RAB20: variants seen among roughly 807,000 people sequenced by gnomAD.
RAB20 encodes the protein RAB20, member RAS oncogene family, also known as ras-related protein Rab-20.
Under a neutral mutation model 3.7 loss-of-function variants are expected in RAB20, and 2 were observed. That is an observed-to-expected ratio of 0.54 (90% CI 0.22 to 1.69). The LOEUF (loss-of-function observed/expected upper bound fraction) is 1.69. Ranked by LOEUF, RAB20 falls within the 40% of genes most tolerant of loss-of-function variation. The probability of loss-of-function intolerance (pLI) is 0.19; values close to 1 mark genes in which losing one functional copy is unlikely to be tolerated. For synonymous variants in RAB20, 126 were observed against 130.8 expected (o/e 0.96, Z 0.25); for missense variants, 276 against 311.9 (o/e 0.88, Z 0.87).
At chr13:110,525,870 A>G (rs1488332125) in intron 1 of RAB20, among the ~76,000 whole-genome samples, 1 of 152,224 alleles carries the variant, frequency 6.6e-6, no homozygotes, top group East Asian at 1.9e-4. Context: ...CAGGCTGTGC[A>G]TGGCATGGGC....
At chr13:110,536,397 G>A (rs1021553611) in intron 1 of RAB20, among the ~76,000 whole-genome samples, 2 of 152,176 alleles carry the variant, frequency 1.3e-5, no homozygotes, top group Non-Finnish European at 2.9e-5. Flanking sequence ...GACAGGCACC[G>A]AAAGTCAGGA....
At position 110,531,119 on chromosome 13, in the gene RAB20, G is replaced by A. The variant is rs553701445; in HGVS notation, c.173-6922C>T. Among the ~76,000 whole-genome samples the A allele has an allele frequency of 7.2e-5, 11 of 152,302 alleles. No homozygotes were observed. The East Asian group carries it at 2.1e-3, about 29-fold the overall frequency. On this transcript the variant is annotated intron_variant, in intron 1 of 1. Coordinates refer to ENST00000267328, the MANE Select transcript of RAB20 (RefSeq NM_017817.3). ...GCTCGTGCAGGCTTCCCTTTCCCAT[G>A]TTTTACAGGAGGAGGAACTGAGGCA... is the stretch of plus-strand genomic sequence containing the variant.
chr13:110,531,932 T>C (rs1001140763), intron 1 of RAB20, among the ~76,000 whole-genome samples: 21 of 152,312 alleles, frequency 1.4e-4, no homozygotes, highest in African/African-American at 4.6e-4. Context: ...TGATTCACTG[T>C]TGCGGAACCA....
chr13:110,529,238 G>A (rs1340268460), intron 1 of RAB20, among the ~76,000 whole-genome samples: 2 of 152,220 alleles, frequency 1.3e-5, no homozygotes, highest in Non-Finnish European at 2.9e-5. Flanking sequence ...GGACCCTCAC[G>A]CGTTTTCTGG....
intron 1 of RAB20, among the ~76,000 whole-genome samples, chr13:110,542,387 C>T (rs1348420614): frequency 6.6e-6 from 1 of 152,188 alleles, no homozygotes; most frequent in Admixed American, 6.5e-5. Context: ...TGGTTAACTA[C>T]AGTCACCTGC....
At position 110,557,725 on chromosome 13, in the gene RAB20, C is replaced by T. The variant is rs9588191; in HGVS notation, c.172+3623G>A. Among the ~76,000 whole-genome samples, 342 of 152,360 alleles carry T rather than the reference C, an allele frequency of 2.2e-3. 2 individuals are homozygous for T. Among genetic ancestry groups the T allele is most frequent in the African/African-American group, 7.0e-3 (293 of 41,590 alleles). ...GGAAGTGGCGCAAGTCTGGGCTCCC[C>T]GCCGCCTTCCAAGCTGGCTCTTCAA... On this transcript the variant is annotated intron_variant, in intron 1 of 1. Coordinates refer to ENST00000267328, the MANE Select transcript of RAB20 (RefSeq NM_017817.3).
At chr13:110,554,753 C>G (rs531502908) in intron 1 of RAB20, among the ~76,000 whole-genome samples, 2 of 152,348 alleles carry the variant, frequency 1.3e-5, no homozygotes, top group South Asian at 2.1e-4. Flanking sequence ...GAAGCAGCAT[C>G]TTCATTTGCT....
chr13:110,552,589 A>T (rs1477634087), intron 1 of RAB20, among the ~76,000 whole-genome samples: 2 of 151,066 alleles, frequency 1.3e-5, no homozygotes, highest in Admixed American at 1.3e-4. Context: ...GCTACTCAGG[A>T]GGCTGAGGCA....
chr13:110,552,147 G>A (rs889487635), intron 1 of RAB20, among the ~76,000 whole-genome samples: 3 of 152,040 alleles, frequency 2.0e-5, no homozygotes, highest in Non-Finnish European at 4.4e-5. Flanking sequence ...GGGAGGCCAC[G>A]GTGGGTGGAT....
At chr13:110,541,612 A>G (rs9521826) in intron 1 of RAB20, among the ~76,000 whole-genome samples, 35,827 of 152,142 alleles carry the variant, frequency 0.24, 4,564 homozygotes, top group East Asian at 0.36. Flanking sequence ...AAAGCAGCCA[A>G]GTTAGCAGGG....
rs969026453 is a variant in RAB20 at position 110,541,002 on chromosome 13, C to T, written c.173-16805G>A. On this transcript the variant is annotated intron_variant, in intron 1 of 1. Transcript: ENST00000267328. ...TGGCTGTTGGGTTAAAGTACAGAAT[C>T]TGGCTCAGGAGGCCTGGCTGGGTCC... 3.9e-5 allele frequency among the ~76,000 whole-genome samples: 6 copies of T among 152,204 alleles called. No individual in the cohort carries two copies. In the East Asian group the frequency reaches 1.2e-3, roughly 29 times the overall value.
intron 1 of RAB20, among the ~76,000 whole-genome samples, chr13:110,551,214 C>G (rs1037520979): frequency 6.6e-6 from 1 of 152,138 alleles, no homozygotes; most frequent in African/African-American, 2.4e-5. Flanking sequence ...ATCAGAAAAA[C>G]AGACAACCAG....
At chr13:110,533,814 C>A (rs1256359107) in intron 1 of RAB20, among the ~76,000 whole-genome samples, 1 of 152,232 alleles carries the variant, frequency 6.6e-6, no homozygotes, top group Non-Finnish European at 1.5e-5. Context: ...GGAAGGCCCA[C>A]AAGAGTCCCT....
In RAB20 at chr13:110,524,200, G is replaced by C. The variant is rs1403596941; in HGVS notation, c.173-3C>G. ...CAGGCCGTGGAACTGCTCCCGCCCTGGTGGGAAGAGAGGGACAGAAAGAGT... is the reference window on the plus strand; with the variant it reads ...CAGGCCGTGGAACTGCTCCCGCCCTCGTGGGAAGAGAGGGACAGAAAGAGT... On this transcript the variant is annotated splice_polypyrimidine_tract_variant and splice_region_variant and intron_variant, in intron 1 of 1. Transcript: ENST00000267328. 1 of 1,579,532 alleles carries C rather than the reference G, an allele frequency of 6.3e-7. No homozygotes were observed. The highest frequency in any genetic ancestry group is 8.6e-7 in the Non-Finnish European group (1 of 1,167,700).
chr13:110,550,460 G>A (rs751480910), intron 1 of RAB20, among the ~76,000 whole-genome samples: 1 of 152,204 alleles, frequency 6.6e-6, no homozygotes, highest in Non-Finnish European at 1.5e-5. Flanking sequence ...GAAGGAAGGG[G>A]TGGTCTTGTG....
chr13:110,528,079 A>T (rs1439316419), intron 1 of RAB20, among the ~76,000 whole-genome samples: 3 of 150,286 alleles, frequency 2.0e-5, no homozygotes, highest in African/African-American at 7.4e-5. Flanking sequence ...CTCCAGCCTG[A>T]GCAACAGTGA....
chr13:110,538,269 GAAAAGAAAAGA>G, intron 1 of RAB20, among the ~76,000 whole-genome samples: 1 of 144,358 alleles, frequency 6.9e-6, no homozygotes. Flanking sequence ...AAGAAAGAAA[GAAAAGAAAAGA>G]AAAAGAAAAA....
chr13:110,537,788 G>A (rs573618878), intron 1 of RAB20, among the ~76,000 whole-genome samples: 5 of 152,148 alleles, frequency 3.3e-5, no homozygotes, highest in East Asian at 3.9e-4. Flanking sequence ...AGGACCCTGC[G>A]GGGCTCAGTG....
intron 1 of RAB20, among the ~76,000 whole-genome samples, chr13:110,551,723 T>C (rs1594138313): frequency 6.6e-6 from 1 of 152,066 alleles, no homozygotes; most frequent in Non-Finnish European, 1.5e-5. Context: ...ACAAAATTTA[T>C]TTTTCTTGGA....
Sources: allele counts gnomAD v4.1 joint callset (sites outside exome capture counted in the v4.1 genomes callset), GRCh38; gene constraint gnomAD v4.1.1; transcripts MANE v1.5; gene names NCBI Gene and HGNC (gene_info 2026-07-23, HGNC 2026-07-21).